Variants in NYAP2 observed in about 807,000 individuals in gnomAD.
The protein encoded by NYAP2 is neuronal tyrosine-phosphorylated phosphoinositide-3-kinase adapter 2.
Under a neutral mutation model 50.4 loss-of-function variants are expected in NYAP2, and 23 were observed. The ratio of observed to expected loss-of-function variants is 0.46; its 90% confidence interval spans 0.33 to 0.65. NYAP2 has a LOEUF of 0.65. Among genes scored for constraint, NYAP2 ranks in the 30% least tolerant of loss-of-function variants. The probability of loss-of-function intolerance (pLI) is 0.02; values close to 1 mark genes in which losing one functional copy is unlikely to be tolerated. For synonymous variants in NYAP2, 394 were observed against 365.2 expected, an observed-to-expected ratio of 1.08 and a Z score of -0.90; for missense variants, 885 against 861.0, an observed-to-expected ratio of 1.03 and a Z score of -0.35.
intron 5 of NYAP2, among the ~76,000 whole-genome samples, chr2:225,609,044 G>T (rs1692836688): frequency 6.6e-6 from 1 of 151,976 alleles, no homozygotes; most frequent in African/African-American, 2.4e-5. Flanking sequence ...ATAGATCGCT[G>T]CCTTTACTTC....
At chr2:225,474,064 G>A (rs1456933364) in intron 3 of NYAP2, among the ~76,000 whole-genome samples, 4 of 152,178 alleles carry the variant, frequency 2.6e-5, no homozygotes, top group Non-Finnish European at 5.9e-5. Context: ...TGTTAAATAA[G>A]GAATCCTTTC....
downstream of NYAP2, among the ~76,000 whole-genome samples, chr2:225,658,901 C>G (rs938080757): frequency 6.6e-6 from 1 of 152,170 alleles, no homozygotes; most frequent in Non-Finnish European, 1.5e-5. Flanking sequence ...TTAGCCATTG[C>G]GTGCTTATTA....
intron 3 of NYAP2, among the ~76,000 whole-genome samples, chr2:225,446,240 CTCTCTCTATATATATATA>C (rs1188938741): frequency 1.8e-5 from 2 of 108,358 alleles, no homozygotes; most frequent in Admixed American, 1.0e-4. Context: ...CTCTCTCTCT[CTCTCTCTATATATATATA>C]TATATATATA....
At chr2:225,552,386 C>T (rs1040230761) in intron 4 of NYAP2, among the ~76,000 whole-genome samples, 4 of 152,176 alleles carry the variant, frequency 2.6e-5, no homozygotes, top group Non-Finnish European at 5.9e-5. Flanking sequence ...GAAGAGACTA[C>T]CATCCTGTGA....
intron 4 of NYAP2, among the ~76,000 whole-genome samples, chr2:225,520,607 G>T (rs573964881): frequency 1.6e-3 from 244 of 152,126 alleles, no homozygotes; most frequent in African/African-American, 5.6e-3. Context: ...ATTTCTGAGG[G>T]CTCTGTTCTG....
At chr2:225,702,836 G>T in the NYAP2 span, 1 of 151,582 alleles carries the variant, frequency 6.6e-6, no homozygotes, top group Non-Finnish European at 1.5e-5. Context: ...AATGCTGTTG[G>T]ATTTGTCTCA....
At chr2:225,526,528 A>G (rs928308977) in intron 4 of NYAP2, among the ~76,000 whole-genome samples, 2 of 152,142 alleles carry the variant, frequency 1.3e-5, no homozygotes, top group Admixed American at 6.6e-5. Flanking sequence ...CTTTTTCTGA[A>G]TTTATTTGGC....
chr2:225,520,741 G>A (rs1691038226), intron 4 of NYAP2, among the ~76,000 whole-genome samples: 1 of 152,190 alleles, frequency 6.6e-6, no homozygotes, highest in Admixed American at 6.6e-5. Context: ...GCTTAGGATT[G>A]ACTTGGCGAT....
At chr2:225,697,062 G>A in the NYAP2 span, among the ~76,000 whole-genome samples, 1 of 151,866 alleles carries the variant, frequency 6.6e-6, no homozygotes, top group Non-Finnish European at 1.5e-5. Flanking sequence ...TCATACAGTA[G>A]ATTTGTTTAA....
Position 225,651,418 on chromosome 2 carries a change from C to T in NYAP2, c.1829-14C>T. The T allele has an allele frequency of 6.2e-7, 1 of 1,613,764 alleles. No homozygotes were observed. Among genetic ancestry groups the T allele is most frequent in the East Asian group, 2.2e-5 (1 of 44,866 alleles). On this transcript the variant is annotated splice_polypyrimidine_tract_variant and intron_variant, in intron 6 of 6. Transcript: ENST00000636099. ...CAGTCAGCTAATATTGTGTCTTTTT[C>T]CGCTTGTTTCCAGAGCCTAAAGTAA...
At chr2:225,650,490 C>G (rs1389025557) in intron 6 of NYAP2, among the ~76,000 whole-genome samples, 1 of 152,096 alleles carries the variant, frequency 6.6e-6, no homozygotes, top group Non-Finnish European at 1.5e-5. Context: ...ATTTATTAGG[C>G]AAAGACTGGA....
chr2:225,421,285 T>C (rs1253821434), intron 3 of NYAP2, among the ~76,000 whole-genome samples: 2 of 152,194 alleles, frequency 1.3e-5, no homozygotes, highest in African/African-American at 4.8e-5. Context: ...TAGAAGCCTG[T>C]TAGTATACAC....
chr2:225,561,546 G>A (rs116014756), intron 4 of NYAP2, among the ~76,000 whole-genome samples: 1,563 of 152,168 alleles, frequency 0.01, 31 homozygotes, highest in African/African-American at 0.034. Context: ...CTGTACTCCA[G>A]GCCCTTGGAT....
chr2:225,578,521 C>A (rs1395846299), intron 4 of NYAP2, among the ~76,000 whole-genome samples: 2 of 152,272 alleles, frequency 1.3e-5, no homozygotes, highest in African/African-American at 4.8e-5. Context: ...TAGTAAGCGC[C>A]TTCCACAAAT....
Position 225,582,187 on chromosome 2 carries a change from G to A in NYAP2, c.770G>A (p.Arg257Lys), listed in dbSNP as rs781748171. Residue 257 changes from arginine to lysine, a missense_variant, in exon 5 of 7, where the codon AGG (arginine) becomes AAG (lysine). Coordinates refer to ENST00000636099, the Ensembl canonical transcript of NYAP2. The surrounding 1 kb of genome is among the most constrained non-coding windows in gnomAD (Gnocchi z 7.0). ...GTGGGGAACATTCTCAGAGACTTCA[G>A]GAAGGAGGACGATGACCAGAGCGAG... 2.5e-6 allele frequency: 4 copies of A among 1,614,048 alleles called. No homozygotes were observed. The highest frequency in any genetic ancestry group is 4.5e-5 in the East Asian group (2 of 44,872).
At chr2:225,453,231 A>T (rs1689682288) in intron 3 of NYAP2, among the ~76,000 whole-genome samples, 1 of 152,218 alleles carries the variant, frequency 6.6e-6, no homozygotes, top group Non-Finnish European at 1.5e-5. Context: ...AGTAAAGGCC[A>T]TTCAAACACT....
chr2:225,531,527 G>A (rs1311144208), intron 4 of NYAP2, among the ~76,000 whole-genome samples: 1 of 152,110 alleles, frequency 6.6e-6, no homozygotes, highest in Non-Finnish European at 1.5e-5. Context: ...TTTTGTCGTT[G>A]TACCTTTGAT....
the NYAP2 span, among the ~76,000 whole-genome samples, chr2:225,675,729 C>T: frequency 6.6e-6 from 1 of 152,134 alleles, no homozygotes; most frequent in Non-Finnish European, 1.5e-5. Flanking sequence ...AACTGATTTC[C>T]ACAGTGGCTG....
chr2:225,698,814 G>T, the NYAP2 span: 1 of 151,770 alleles, frequency 6.6e-6, no homozygotes, highest in African/African-American at 2.4e-5. Context: ...CACATTATAC[G>T]TATATAAATT....
Sources: allele counts gnomAD v4.1 joint callset (sites outside exome capture counted in the v4.1 genomes callset), GRCh38; gene constraint gnomAD v4.1.1; non-coding constraint Gnocchi (gnomAD v3.1); transcripts MANE v1.5; gene names NCBI Gene and HGNC (gene_info 2026-07-23, HGNC 2026-07-21).